Variants in ADRB3 observed in about 807,000 individuals in gnomAD.
ADRB3 encodes the protein beta-3 adrenergic receptor.
In ADRB3, 33 loss-of-function variants were observed where a neutral mutation model predicts 23.8. The observed-to-expected ratio is 1.38, with a 90% confidence interval of 1.05 to 1.85. ADRB3 has a LOEUF of 1.85. ADRB3 is among the 40% of genes most tolerant of loss of function. The probability of loss-of-function intolerance (pLI) is 0.00; values close to 1 mark genes in which losing one functional copy is unlikely to be tolerated. For synonymous variants in ADRB3, 289 were observed against 273.0 expected (o/e 1.06, Z -0.58); for missense variants, 600 against 579.6 (o/e 1.04, Z -0.36).
Position 37,964,219 on chromosome 8 carries a change from T to C in ADRB3, c.1226A>G (p.Ter409TrpextTer2). 6.2e-7 allele frequency: 1 copy of C among 1,613,450 alleles called. No individual in the cohort carries two copies. Among genetic ancestry groups the C allele is most frequent in the Non-Finnish European group, 8.5e-7 (1 of 1,179,646 alleles). The change falls in exon 2 of 2, where the codon TAG becomes TGG. Residue 409 changes from the stop codon to tryptophan (W), a stop_lost. Transcript: ENST00000345060. The part of the protein sequence containing the change: ...RLDGASWGVS[*>W] ...GTTGTTGCTTCTTGTCCTTCAGGCC[T>C]AAGAAACTCCCCAAGAAGCCCTGGG...
intron 1 of ADRB3, 82 bp downstream of exon 1, chr8:37,965,183 T>G: frequency 7.5e-7 from 1 of 1,326,096 alleles, no homozygotes; most frequent in Non-Finnish European, 9.9e-7. Context: ...CTTAATAAAC[T>G]CCACACTCAA....
At position 37,966,001 on chromosome 8, in the gene ADRB3, C is replaced by T; in HGVS notation, c.469G>A (p.Ala157Thr). The change falls in exon 1 of 2, where the codon GCT becomes ACT. Residue 157 changes from alanine to threonine, a missense_variant. Transcript: ENST00000345060. ...GACACGACCCACACCAGGACCACAG[C>T]TGTCCGGGCGCAGCGCTTGGTGACC... ...ALVTKRCART[A>T]VVLVWVVSAA... 1 of 1,574,046 alleles carries T rather than the reference C, an allele frequency of 6.4e-7. No individual in the cohort carries two copies.
At position 37,965,892 on chromosome 8, in the gene ADRB3, G is replaced by A. The variant is rs200163984; in HGVS notation, c.578C>T (p.Pro193Leu). The change falls in exon 1 of 2, where the codon CCG becomes CTG. Residue 193 changes from proline (P) to leucine (L), a missense_variant. Transcript: ENST00000345060. ...GTTGGAGGCGAAGGCACAGCAGCGC[G>A]GGTTGGAGTGGCAGCGCTGCGCCTC... ...DAEAQRCHSN[P>L]RCCAFASNMP... is the part of the protein sequence containing the mutation. The A allele has an allele frequency of 1.1e-4, 175 of 1,552,876 alleles. 1 individual carries two copies. The highest frequency in any genetic ancestry group is 7.8e-5 in the Non-Finnish European group (90 of 1,147,550).
intron 1 of ADRB3, chr8:37,964,947 A>T: frequency 7.1e-6 from 2 of 283,622 alleles, no homozygotes; most frequent in South Asian, 1.2e-4. Flanking sequence ...CTCTATTTAA[A>T]AAAAAAAAAA....
intron 1 of ADRB3, 67 bp from the exon 2 acceptor site, chr8:37,964,306 A>C: frequency 7.1e-7 from 1 of 1,411,686 alleles, no homozygotes; most frequent in Non-Finnish European, 1.0e-6. Flanking sequence ...GAGGGGAATG[A>C]CAGAGATCAG....
chr8:37,965,408 G>T lies in ADRB3; in HGVS notation c.1062C>A (p.Ser354Arg), dbSNP rs1351467094. The change falls in exon 1 of 2, where the codon AGC (serine) becomes AGA (arginine). Residue 354 changes from serine (S) to arginine (R), a missense_variant. Ser to Arg is a moderately radical substitution (Grantham distance 110). Transcript: ENST00000345060. ...LIYCRSPDFR[S>R]AFRRLLCRCG... ...AGCGGCACAGAAGACGGCGGAAGGC[G>T]CTGCGAAAGTCCGGGCTGCGGCAGT... 7 of 1,549,016 alleles carry T rather than the reference G, an allele frequency of 4.5e-6. No individual in the cohort carries two copies. The highest frequency in any genetic ancestry group is 3.5e-6 in the Non-Finnish European group (4 of 1,146,342).
At chr8:37,965,145 C>G (rs1808269322) in intron 1 of ADRB3, 120 bp downstream of exon 1, 1 of 1,081,476 alleles carries the variant, frequency 9.2e-7, no homozygotes. Flanking sequence ...GTTCCCTTTT[C>G]TCTCCAAGCA....
Position 37,965,765 on chromosome 8 carries a change from C to T in ADRB3, c.705G>A (p.Leu235=), listed in dbSNP as rs762474876. 7.7e-6 allele frequency: 12 copies of T among 1,550,414 alleles called. No individual in the cohort carries two copies. The South Asian group carries it at 1.4e-4, about 19-fold the overall frequency. Residue 235 remains leucine, a synonymous_variant, in exon 1 of 2, where the codon CTG becomes CTA. Coordinates refer to ENST00000345060, the MANE Select transcript of ADRB3 (RefSeq NM_000025.3). ...GGCCCAGCTCCCCGCGCAGCAAGCGCAGCTGGCGCGTAGCCACCACGAAAA... is the reference window on the plus strand; with the variant it reads ...GGCCCAGCTCCCCGCGCAGCAAGCGTAGCTGGCGCGTAGCCACCACGAAAA... ...ARVFVVATRQ[L]RLLRGELGRF...
intron 1 of ADRB3, 86 bp from the exon 2 acceptor site, chr8:37,964,325 G>T (rs1440681582): frequency 8.1e-7 from 1 of 1,241,130 alleles, no homozygotes; most frequent in South Asian, 1.2e-5. Context: ...AGAGACCCTG[G>T]AACGCATATT....
chr8:37,964,435 C>T (rs1808258006), intron 1 of ADRB3, among the ~76,000 whole-genome samples, 196 bp from the exon 2 acceptor site: 1 of 151,822 alleles, frequency 6.6e-6, no homozygotes, highest in Non-Finnish European at 1.5e-5. Context: ...CATCTGCACT[C>T]ACAGGCTCCT....
At position 37,965,609 on chromosome 8, in the gene ADRB3, T is replaced by A. The variant is rs1489039263; in HGVS notation, c.861A>T (p.Glu287Asp). The change falls in exon 1 of 2, where the codon GAA becomes GAT. Residue 287 changes from glutamate to aspartate, a missense_variant. By Grantham distance (45) the Glu-to-Asp change is conservative. Transcript: ENST00000345060. ...GACCCAAGGTGCACAGGGCCCGGTGTTCCCGGAGAGGCAGGAGGCGCGCGG... is the reference window on the plus strand; with the variant it reads ...GACCCAAGGTGCACAGGGCCCGGTGATCCCGGAGAGGCAGGAGGCGCGCGG... ...RRPARLLPLR[E>D]HRALCTLGLI... 1.3e-6 allele frequency: 2 copies of A among 1,543,406 alleles called. No homozygotes were observed. Among genetic ancestry groups the A allele is most frequent in the Non-Finnish European group, 1.7e-6 (2 of 1,144,376 alleles).
At position 37,963,648 on chromosome 8, in the gene ADRB3, T is replaced by G. The variant is rs879368574; in HGVS notation, c.*570A>C. The G allele has an allele frequency of 2.0e-5, 3 of 152,900 alleles. No individual in the cohort carries two copies. The highest frequency in any genetic ancestry group is 2.9e-5 in the Non-Finnish European group (2 of 68,242). 9.5% of individuals were successfully genotyped at this position (152,900 alleles called of 1,614,324 possible). On this transcript the variant is annotated 3_prime_UTR_variant, in exon 2 of 2. Coordinates refer to ENST00000345060, the MANE Select transcript of ADRB3 (RefSeq NM_000025.3). Reference sequence around the variant, plus strand: ...TAATGGTTCACCTTCTTATGAACCCTGGAGCTCCCAAAACCCTGGCGAAGT... The same window carrying G: ...TAATGGTTCACCTTCTTATGAACCCGGGAGCTCCCAAAACCCTGGCGAAGT...
chr8:37,965,348 G>A lies in ADRB3; in HGVS notation c.1122C>T (p.Ala374=), dbSNP rs1301119501. The A allele has an allele frequency of 6.5e-6, 10 of 1,542,538 alleles. No homozygotes were observed. In the African/African-American group the frequency reaches 8.3e-5, roughly 13 times the overall value. ...CCGAGGGGAAGAGGGCCGGGCGGGC[G>A]GCGGCGCAGGGCTCCGGAGGCAGGC... The part of the protein sequence containing the change: ...GRRLPPEPCA[A]ARPALFPSGV... Residue 374 remains alanine, a synonymous_variant, in exon 1 of 2, where the codon GCC becomes GCT. Coordinates refer to ENST00000345060, the MANE Select transcript of ADRB3 (RefSeq NM_000025.3).
intron 1 of ADRB3, chr8:37,965,040 G>C (rs940054136): frequency 8.0e-6 from 4 of 501,238 alleles, no homozygotes; most frequent in Admixed American, 4.2e-5. Context: ...CCTTGGGTGA[G>C]GAACGACGGC....
Position 37,965,829 on chromosome 8 carries a change from TAGA to T in ADRB3, c.638_640del (p.Phe213del), listed in dbSNP as rs1488056762. 7.7e-6 allele frequency: 12 copies of T among 1,552,824 alleles called. No homozygotes were observed. The East Asian group carries it at 2.4e-4, about 31-fold the overall frequency. ...GAAGAGCATCACGAGAAGAGGAAGG[TAGA>T]AGGAGACGGAGGAGGACAGCAGCAC... is the stretch of plus-strand genomic sequence containing the variant. On this transcript the variant is annotated inframe_deletion, in exon 1 of 2. Coordinates refer to ENST00000345060, the MANE Select transcript of ADRB3 (RefSeq NM_000025.3).
At position 37,966,075 on chromosome 8, in the gene ADRB3, G is replaced by T. The variant is rs201123676; in HGVS notation, c.395C>A (p.Ala132Asp). The change falls in exon 1 of 2, where the codon GCC becomes GAC. Residue 132 changes from alanine (A) to aspartate (D), a missense_variant. Coordinates refer to ENST00000345060, the MANE Select transcript of ADRB3 (RefSeq NM_000025.3). Reference protein sequence around the residue: ...TASIETLCALAVDRYLAVTNP... With the variant: ...TASIETLCALDVDRYLAVTNP... ...GGTCACAGCCAGGTAGCGGTCCACG[G>T]CCAGGGCGCACAGGGTTTCGATGCT... 3.7e-6 allele frequency: 6 copies of T among 1,606,924 alleles called. No homozygotes were observed. The Admixed American group carries it at 6.8e-5, about 18-fold the overall frequency.
chr8:37,966,421 G>A lies in ADRB3; in HGVS notation c.49C>T (p.Leu17Phe), dbSNP rs200142610. The A allele has an allele frequency of 5.6e-5, 90 of 1,607,800 alleles. No individual in the cohort carries two copies. The South Asian group carries it at 9.2e-4, about 16-fold the overall frequency. Residue 17 changes from leucine to phenylalanine, a missense_variant, in exon 1 of 2, where the codon CTC becomes TTC. By Grantham distance (22) the Leu-to-Phe change is conservative. Coordinates refer to ENST00000345060, the MANE Select transcript of ADRB3 (RefSeq NM_000025.3). The stretch of plus-strand genomic sequence containing the variant: ...GCGGTATTGGGCGCCAGGGTGGGGA[G>A]GTCCGGCCATGGGGCAAGAGAGCTG... ...ENSSLAPWPD[L>F]PTLAPNTANT...
rs1808246917 is a variant in ADRB3, at chr8:37,963,892, C to G, written c.*326G>C. The G allele has an allele frequency of 3.2e-6, 1 of 316,106 alleles. No individual in the cohort carries two copies. Among genetic ancestry groups the G allele is most frequent in the East Asian group, 7.3e-5 (1 of 13,700 alleles). The allele number at this position is 316,106 out of a possible 1,614,324, so 19.6% of individuals were successfully genotyped here. On this transcript the variant is annotated 3_prime_UTR_variant, in exon 2 of 2. Transcript: ENST00000345060. Reference sequence around the variant, plus strand: ...ATGGAACCAGGGGAGCTCTCTTTGCCCTAAGCACTCACTGACTGCACAGGC... The same window carrying G: ...ATGGAACCAGGGGAGCTCTCTTTGCGCTAAGCACTCACTGACTGCACAGGC...
intron 1 of ADRB3, among the ~76,000 whole-genome samples, chr8:37,964,816 C>T (rs1287134909): frequency 2.0e-5 from 3 of 152,146 alleles, no homozygotes; most frequent in Admixed American, 1.3e-4. Flanking sequence ...CCTGTAGTCC[C>T]AGATACTCAG....
Sources: gnomAD v4.1 joint callset for allele counts (sites outside exome capture counted in the v4.1 genomes callset) on GRCh38, gnomAD v4.1.1 for gene constraint, MANE v1.5 for transcripts, NCBI Gene and HGNC (gene_info 2026-07-23, HGNC 2026-07-21) for gene names.